The following CWF19L2 variants were observed in gnomAD, a reference collection of about 807,000 sequenced individuals.
CWF19L2 encodes the protein CWF19-like protein 2.
CWF19L2 carries 98 observed loss-of-function variants against 111.7 expected under a neutral mutation model. That is an observed-to-expected ratio of 0.88 (90% confidence interval 0.75 to 1.04). CWF19L2 has a LOEUF of 1.04. Among genes scored for constraint, CWF19L2 ranks in the 50% least tolerant of loss-of-function variants. The pLI is 0.00. For missense variants in CWF19L2, 1,101 were observed against 1,051.4 expected (o/e 1.05, Z -0.65); for synonymous variants, 351 against 342.9 (o/e 1.02, Z -0.26).
At chr11:107,345,141 T>A (rs1373316818) in intron 14 of CWF19L2, among the ~76,000 whole-genome samples, 1 of 152,202 alleles carries the variant, frequency 6.6e-6, no homozygotes, top group African/African-American at 2.4e-5. Context: ...TAGGAAAATA[T>A]ACAAATTTGC....
At chr11:107,413,856 C>G (rs1236782280) in intron 10 of CWF19L2, among the ~76,000 whole-genome samples, 1 of 152,224 alleles carries the variant, frequency 6.6e-6, no homozygotes, top group Non-Finnish European at 1.5e-5. Flanking sequence ...TCCTCCCACA[C>G]TGACAGTAAA....
At chr11:107,410,727 G>A (rs1000596791) in intron 10 of CWF19L2, among the ~76,000 whole-genome samples, 15 of 152,258 alleles carry the variant, frequency 9.9e-5, no homozygotes, top group East Asian at 5.8e-4. Context: ...CCTCAAAACC[G>A]TAGGAGAAAT....
chr11:107,329,698 C>T (rs929483626), intron 17 of CWF19L2, among the ~76,000 whole-genome samples: 32 of 152,110 alleles, frequency 2.1e-4, no homozygotes, highest in African/African-American at 5.8e-4. Context: ...ATTGTTGACA[C>T]CGTCAAGAAA....
intron 7 of CWF19L2, among the ~76,000 whole-genome samples, chr11:107,433,367 G>T (rs746298510): frequency 6.6e-6 from 1 of 151,796 alleles, no homozygotes. Flanking sequence ...CAGACTTTCC[G>T]GCATTGTTTA....
intron 12 of CWF19L2, among the ~76,000 whole-genome samples, chr11:107,387,442 AAAAACAAAAC>A (rs1197757913): frequency 1.9e-4 from 25 of 132,450 alleles, no homozygotes; most frequent in Middle Eastern, 7.9e-3. Context: ...CAGCCTTGCT[AAAAACAAAAC>A]AAAACAAAAC....
intron 5 of CWF19L2, 104 bp from the exon 6 acceptor site, chr11:107,439,287 C>T (rs2135418848): frequency 1.5e-6 from 1 of 667,730 alleles, no homozygotes; most frequent in East Asian, 2.9e-5. Flanking sequence ...TAACCCTGGA[C>T]AAATCATTTA....
At chr11:107,329,089 G>A (rs61189214) in intron 17 of CWF19L2, among the ~76,000 whole-genome samples, 1,897 of 152,120 alleles carry the variant, frequency 0.012, 24 homozygotes, top group South Asian at 0.039. Context: ...GTTCACCAAG[G>A]CCCCTCTTTT....
intron 12 of CWF19L2, among the ~76,000 whole-genome samples, chr11:107,355,505 C>T (rs1054661813): frequency 6.6e-6 from 1 of 151,866 alleles, no homozygotes; most frequent in African/African-American, 2.4e-5. Context: ...TAAAAAGATG[C>T]TTGGATGTTA....
intron 10 of CWF19L2, among the ~76,000 whole-genome samples, chr11:107,413,880 T>C (rs1313086427): frequency 6.6e-6 from 1 of 152,236 alleles, no homozygotes; most frequent in Non-Finnish European, 1.5e-5. Context: ...TGTAAATTAA[T>C]CTTTGAGAAC....
chr11:107,401,376 T>C (rs1591184222), intron 10 of CWF19L2, among the ~76,000 whole-genome samples: 1 of 152,264 alleles, frequency 6.6e-6, no homozygotes, highest in East Asian at 1.9e-4. Context: ...AGTTTCTGGA[T>C]ACAAGATTAA....
At chr11:107,411,421 C>CGTTCATTTATAATGACTT (rs1861155891) in intron 10 of CWF19L2, among the ~76,000 whole-genome samples, 1 of 152,036 alleles carries the variant, frequency 6.6e-6, no homozygotes, top group African/African-American at 2.4e-5. Context: ...ATGGCACTCA[C>CGTTCATTTATAATGACTT]GTTCATTTAT....
intron 12 of CWF19L2, among the ~76,000 whole-genome samples, chr11:107,382,347 GC>G (rs1860699369): frequency 2.6e-5 from 4 of 152,184 alleles, no homozygotes; most frequent in African/African-American, 7.2e-5. Flanking sequence ...GAAAAGTAAA[GC>G]TGAAGCTTCT....
At chr11:107,402,707 T>C (rs1334549958) in intron 10 of CWF19L2, among the ~76,000 whole-genome samples, 1 of 151,780 alleles carries the variant, frequency 6.6e-6, no homozygotes, top group Non-Finnish European at 1.5e-5. Context: ...AACTGCCATT[T>C]GATCCAGCAA....
intron 16 of CWF19L2, among the ~76,000 whole-genome samples, chr11:107,331,840 G>T (rs1028260973): frequency 6.6e-6 from 1 of 152,146 alleles, no homozygotes; most frequent in Non-Finnish European, 1.5e-5. Context: ...TTCTCTCCCT[G>T]CAGGCTGCAA....
intron 8 of CWF19L2, among the ~76,000 whole-genome samples, chr11:107,422,172 C>T (rs10458952): frequency 0.041 from 6,160 of 151,996 alleles, 158 homozygotes; most frequent in East Asian, 0.11. Context: ...TACGGTTGAC[C>T]CTTGAACAAC....
intron 12 of CWF19L2, among the ~76,000 whole-genome samples, chr11:107,383,518 T>C (rs1462264017): frequency 1.3e-5 from 2 of 152,154 alleles, no homozygotes; most frequent in African/African-American, 4.8e-5. Flanking sequence ...TCATTAATTA[T>C]GTAGTACATA....
chr11:107,445,335 G>T (rs1299651238), intron 3 of CWF19L2, among the ~76,000 whole-genome samples: 1 of 152,160 alleles, frequency 6.6e-6, no homozygotes, highest in Non-Finnish European at 1.5e-5. Context: ...GCTGGGCGCG[G>T]TGGCTCACGC....
intron 14 of CWF19L2, among the ~76,000 whole-genome samples, chr11:107,342,183 TTC>T (rs1458072023): frequency 6.6e-6 from 1 of 152,030 alleles, no homozygotes; most frequent in African/African-American, 2.4e-5. Context: ...TGCTATAAAT[TTC>T]TCTCTCGGCA....
chr11:107,335,764 T>C (rs1399061175), intron 15 of CWF19L2, among the ~76,000 whole-genome samples: 2 of 152,200 alleles, frequency 1.3e-5, no homozygotes, highest in African/African-American at 2.4e-5. Flanking sequence ...TTTTACAGTA[T>C]TGTTATTAAT....
Sources: gnomAD v4.1 joint callset for allele counts (sites outside exome capture counted in the v4.1 genomes callset) on GRCh38, gnomAD v4.1.1 for gene constraint, MANE v1.5 for transcripts, NCBI Gene and HGNC (gene_info 2026-07-23, HGNC 2026-07-21) for gene names.